The following ANKRD11 variants were observed in gnomAD, a reference collection of about 807,000 sequenced individuals.
ANKRD11 encodes ankyrin repeat domain 11.
ANKRD11 carries 17 observed loss-of-function variants against 195.7 expected under a neutral mutation model. The observed-to-expected ratio is 0.09, with a 90% CI of 0.06 to 0.13. ANKRD11 has a LOEUF of 0.13. Ranked by LOEUF, ANKRD11 falls within the 10% of genes least tolerant of loss-of-function variation. The probability of loss-of-function intolerance (pLI) is 1.00; values close to 1 mark genes in which losing one functional copy is unlikely to be tolerated. For synonymous variants in ANKRD11, 1,953 were observed against 1,528.1 expected (o/e 1.28, Z -6.49); for missense variants, 3,735 against 3,566.1 (o/e 1.05, Z -1.21).
At chr16:89,463,092 G>A (rs1306133573) in intron 1 of ANKRD11, among the ~76,000 whole-genome samples, 12 of 149,304 alleles carry the variant, frequency 8.0e-5, no homozygotes, top group Admixed American at 2.0e-4. Flanking sequence ...CCGCCCGGGA[G>A]GTGAGGGGCG....
At chr16:89,412,511 GTATTAAGAC>G in intron 2 of ANKRD11, 1 of 152,410 alleles carries the variant, frequency 6.6e-6, no homozygotes, top group South Asian at 2.1e-4. Flanking sequence ...TGGCAATGAT[GTATTAAGAC>G]ACGCAGAGCC....
At chr16:89,409,421 C>G (rs2042032844) in intron 2 of ANKRD11, among the ~76,000 whole-genome samples, 1 of 152,222 alleles carries the variant, frequency 6.6e-6, no homozygotes, top group South Asian at 2.1e-4. Context: ...GGGTTGCAGC[C>G]AGGGTTTCCT....
intron 1 of ANKRD11, among the ~76,000 whole-genome samples, chr16:89,485,442 C>G (rs1326542794): frequency 1.3e-5 from 2 of 152,190 alleles, no homozygotes; most frequent in Non-Finnish European, 2.9e-5. Context: ...TGCTATGACC[C>G]AAGATCGTGC....
chr16:89,421,555 T>C (rs55881932), intron 1 of ANKRD11, among the ~76,000 whole-genome samples: 8 of 87,480 alleles, frequency 9.1e-5, no homozygotes, highest in Admixed American at 2.1e-4. Flanking sequence ...CACCCGTCCA[T>C]GTCTGGGGGC....
intron 2 of ANKRD11, among the ~76,000 whole-genome samples, chr16:89,416,880 G>A (rs1257677295): frequency 2.6e-5 from 4 of 152,068 alleles, no homozygotes; most frequent in Non-Finnish European, 5.9e-5. Flanking sequence ...CCTGGGGTGT[G>A]GGGTGCTCCC....
At chr16:89,296,509 C>G (rs2035446841) in intron 4 of ANKRD11, among the ~76,000 whole-genome samples, 1 of 152,240 alleles carries the variant, frequency 6.6e-6, no homozygotes, top group Admixed American at 6.5e-5. Context: ...ACATCATCTG[C>G]TCACTGGGTT....
At chr16:89,288,083 T>C in intron 7 of ANKRD11, 1 of 568,748 alleles carries the variant, frequency 1.8e-6, no homozygotes, top group Non-Finnish European at 3.1e-6. Flanking sequence ...CCGGCCACAA[T>C]GGCCACTTTC....
In ANKRD11 at chr16:89,305,266, T is replaced by C; in HGVS notation, c.166A>G (p.Ser56Gly). Residue 56 changes from serine (S) to glycine (G), a missense_variant, in exon 4 of 13, where the codon AGC (serine) becomes GGC (glycine). Transcript: ENST00000301030. ...GCGGTGAAGGGCAGCTTCCGCTTGC[T>C]GGCTCGCTCCCTCACCTCCTTCCCG... ...DGGKEVRERA[S>G]KRKLPFTAGA... The C allele has an allele frequency of 1.2e-6, 2 of 1,613,952 alleles. No individual in the cohort carries two copies. Among genetic ancestry groups the C allele is most frequent in the Middle Eastern group, 1.7e-4 (1 of 6,054 alleles).
In ANKRD11 at chr16:89,280,672, G is replaced by A. The variant is rs922813408; in HGVS notation, c.5870C>T (p.Ala1957Val). Residue 1957 changes from alanine (A) to valine (V), a missense_variant, in exon 9 of 13, where the codon GCG (alanine) becomes GTG (valine). Transcript: ENST00000301030. ...GCCCCCGATCAGGCTAGAGGCAAGC[G>A]CCTGCTCGGAGGGGTGGGCCCACTC... is the stretch of plus-strand genomic sequence containing the variant. ...PVEWAHPSEQ[A>V]LASSLIGGTS... The A allele has an allele frequency of 1.8e-5, 29 of 1,613,304 alleles. No homozygotes were observed. Among genetic ancestry groups the A allele is most frequent in the South Asian group, 2.2e-5 (2 of 91,092 alleles).
intron 2 of ANKRD11, chr16:89,328,948 A>G (rs181462451): frequency 8.2e-6 from 1 of 122,686 alleles, no homozygotes; most frequent in Non-Finnish European, 1.7e-5. Context: ...CATACCCAGG[A>G]GCACGGGCGA....
chr16:89,321,370 G>C (rs1344153433), intron 2 of ANKRD11: 2 of 152,076 alleles, frequency 1.3e-5, no homozygotes, highest in African/African-American at 4.8e-5. Flanking sequence ...GACACCTGTC[G>C]GGCGGGGCAG....
chr16:89,436,121 ACATGATAATTCGGC>A (rs2043206197), intron 1 of ANKRD11, among the ~76,000 whole-genome samples: 1 of 152,158 alleles, frequency 6.6e-6, no homozygotes, highest in Admixed American at 6.5e-5. Flanking sequence ...TTCTATTAAA[ACATGATAATTCGGC>A]CGGGCACAGT....
chr16:89,291,563 C>A lies in ANKRD11; in HGVS notation c.227-380G>T. Reference sequence around the variant, plus strand: ...ACACAGGACAGGTCTCTGTTCAATACACGTGTCTGTAATTCAATTCCACCT... The same window carrying A: ...ACACAGGACAGGTCTCTGTTCAATAAACGTGTCTGTAATTCAATTCCACCT... On this transcript the variant is annotated intron_variant, in intron 4 of 12. Coordinates refer to ENST00000301030, the MANE Select transcript of ANKRD11 (RefSeq NM_013275.6). The surrounding 1 kb of genome is among the most constrained non-coding windows in gnomAD (Gnocchi z 5.3). The A allele has an allele frequency of 1.3e-6, 1 of 795,728 alleles. No individual in the cohort carries two copies. The highest frequency in any genetic ancestry group is 1.4e-5 in the South Asian group (1 of 70,886). 49.3% of individuals were successfully genotyped at this position (795,728 alleles called of 1,614,324 possible). A position where few individuals can be genotyped will look rare whatever the true frequency, so the allele number is the denominator to read the frequency against.
chr16:89,285,747 G>A lies in ANKRD11; in HGVS notation c.893-98C>T, dbSNP rs554034597. On this transcript the variant is annotated intron_variant, in intron 8 of 12. Coordinates refer to ENST00000301030, the MANE Select transcript of ANKRD11 (RefSeq NM_013275.6). This position sits in a 1 kb window ranked among gnomAD's most constrained non-coding sequence, Gnocchi z 5.6. ...GCTCTGCAGATGTGTCTGCGGGAAG[G>A]TTCCCACCCTGCCTCTGCAGAGACA... 568 of 1,369,524 alleles carry A rather than the reference G, an allele frequency of 4.1e-4. 1 individual carries two copies. Among genetic ancestry groups the A allele is most frequent in the South Asian group, 2.1e-3 (173 of 84,350 alleles). The allele number at this position is 1,369,524 out of a possible 1,614,324, so 84.8% of individuals were successfully genotyped here. A position where few individuals can be genotyped will look rare whatever the true frequency, so the allele number is the denominator to read the frequency against.
intron 2 of ANKRD11, among the ~76,000 whole-genome samples, chr16:89,326,839 T>G (rs1445280270): frequency 6.6e-6 from 1 of 152,180 alleles, no homozygotes; most frequent in Non-Finnish European, 1.5e-5. Flanking sequence ...GAAAGGGGCT[T>G]AACACAAAGC....
At chr16:89,421,570 G>C (rs1233991350) in intron 1 of ANKRD11, among the ~76,000 whole-genome samples, 6 of 99,176 alleles carry the variant, frequency 6.0e-5, no homozygotes, top group Non-Finnish European at 9.8e-5. Context: ...GGGGGCGGGG[G>C]TGAGACACGA....
chr16:89,387,760 T>C lies in ANKRD11; in HGVS notation c.-60+30524A>G, dbSNP rs192456737. Among the ~76,000 whole-genome samples the C allele has an allele frequency of 1.5e-3, 230 of 150,968 alleles. 5 individuals carry two copies. The highest frequency in any genetic ancestry group is 0.015 in the Admixed American group (229 of 15,184). On this transcript the variant is annotated intron_variant, in intron 2 of 12. Coordinates refer to ENST00000301030, the MANE Select transcript of ANKRD11 (RefSeq NM_013275.6). ...GCTTGCGCCTGTAATCCCAACACTT[T>C]GGGAGGCTGAGGCAGGTGAATCATT...
chr16:89,438,447 G>A (rs2043307724), intron 1 of ANKRD11, among the ~76,000 whole-genome samples: 1 of 152,060 alleles, frequency 6.6e-6, no homozygotes, highest in Non-Finnish European at 1.5e-5. Flanking sequence ...ACCCACCCGA[G>A]TAGCTGGGAC....
intron 1 of ANKRD11, among the ~76,000 whole-genome samples, chr16:89,483,691 G>A (rs1212959718): frequency 1.3e-5 from 2 of 152,094 alleles, no homozygotes; most frequent in South Asian, 2.1e-4. Context: ...AGCCAGGAGT[G>A]GTGGCGCGTG....
Sources: gnomAD v4.1 joint callset for allele counts (sites outside exome capture counted in the v4.1 genomes callset) on GRCh38, gnomAD v4.1.1 for gene constraint, Gnocchi (gnomAD v3.1) non-coding constraint, MANE v1.5 for transcripts, NCBI Gene and HGNC (gene_info 2026-07-23, HGNC 2026-07-21) for gene names.